Variants in CACNB4 observed in about 807,000 individuals in gnomAD.
CACNB4 encodes voltage-dependent L-type calcium channel subunit beta-4.
Under a neutral mutation model 71.2 loss-of-function variants are expected in CACNB4, and 32 were observed. The ratio of observed to expected loss-of-function variants is 0.45; its 90% confidence interval spans 0.34 to 0.60. The LOEUF (loss-of-function observed/expected upper bound fraction) is 0.60, where lower values mean the gene tolerates loss of function less well. Ranked by LOEUF, CACNB4 falls within the 20% of genes least tolerant of loss-of-function variation. The probability of loss-of-function intolerance (pLI) is 0.01; values close to 1 mark genes in which losing one functional copy is unlikely to be tolerated. For synonymous variants in CACNB4, 231 were observed against 236.9 expected, an observed-to-expected ratio of 0.97 and a Z score of 0.23; for missense variants, 464 against 647.9, an observed-to-expected ratio of 0.72 and a Z score of 3.08.
At chr2:152,037,107 A>AT (rs1684637018) in intron 2 of CACNB4, among the ~76,000 whole-genome samples, 1 of 152,202 alleles carries the variant, frequency 6.6e-6, no homozygotes, top group Admixed American at 6.5e-5. Context: ...TTGCGGGGGC[A>AT]TAGGTTCCCA....
intron 2 of CACNB4, among the ~76,000 whole-genome samples, chr2:151,905,762 A>C (rs1314586597): frequency 6.6e-6 from 1 of 152,246 alleles, no homozygotes; most frequent in Non-Finnish European, 1.5e-5. Flanking sequence ...CCAGAAAGGC[A>C]AGGCAAGAAG....
At position 151,849,293 on chromosome 2, in the gene CACNB4, C is replaced by T. The variant is rs139901380; in HGVS notation, c.1116+4155G>A. Among the ~76,000 whole-genome samples the T allele has an allele frequency of 2.4e-3, 372 of 152,254 alleles. 3 individuals carry two copies. Among genetic ancestry groups the T allele is most frequent in the African/African-American group, 8.4e-3 (348 of 41,526 alleles). On this transcript the variant is annotated intron_variant, in intron 12 of 13. Transcript: ENST00000539935. The stretch of plus-strand genomic sequence containing the variant: ...TTTTTTCTTTTAAGAGACAATGTCT[C>T]ACTCTGTCGGGTAGAGTGCAGTGGC...
intron 2 of CACNB4, among the ~76,000 whole-genome samples, chr2:151,987,340 A>G (rs998950453): frequency 5.3e-5 from 8 of 152,050 alleles, no homozygotes; most frequent in Admixed American, 5.2e-4. Flanking sequence ...GCAGCACTAC[A>G]ATCTCTGGGC....
At chr2:151,979,110 G>A (rs16830543) in intron 2 of CACNB4, among the ~76,000 whole-genome samples, 3,688 of 152,074 alleles carry the variant, frequency 0.024, 154 homozygotes, top group African/African-American at 0.083. Context: ...ACAAAACACT[G>A]CCCAGAAGAC....
At chr2:151,990,824 G>A (rs771996031) in intron 2 of CACNB4, among the ~76,000 whole-genome samples, 1 of 152,216 alleles carries the variant, frequency 6.6e-6, no homozygotes, top group Non-Finnish European at 1.5e-5. Flanking sequence ...CCCAAGGAAT[G>A]AGAGAATATT....
chr2:151,861,376 A>G (rs2099841597), intron 9 of CACNB4: 1 of 152,342 alleles, frequency 6.6e-6, no homozygotes, highest in Non-Finnish European at 1.5e-5. Context: ...CTTCATTTAT[A>G]AGAATGTGAA....
At chr2:151,914,218 G>A (rs1431934923) in intron 2 of CACNB4, among the ~76,000 whole-genome samples, 1 of 151,980 alleles carries the variant, frequency 6.6e-6, no homozygotes, top group Non-Finnish European at 1.5e-5. Context: ...TTTCAGTAAG[G>A]TGGTTTTCAA....
At chr2:152,024,825 G>A (rs564077946) in intron 2 of CACNB4, among the ~76,000 whole-genome samples, 3 of 152,346 alleles carry the variant, frequency 2.0e-5, no homozygotes, top group East Asian at 1.9e-4. Flanking sequence ...GGAAGCCAAG[G>A]TGGGCAGATC....
intron 2 of CACNB4, among the ~76,000 whole-genome samples, chr2:152,097,156 G>A (rs764068056): frequency 2.6e-5 from 4 of 152,080 alleles, no homozygotes; most frequent in African/African-American, 4.8e-5. Context: ...CAAAATTTCC[G>A]CTTCTGCAGA....
intron 2 of CACNB4, chr2:151,883,908 C>T (rs1415588965): frequency 2.0e-5 from 4 of 199,844 alleles, no homozygotes; most frequent in Non-Finnish European, 4.1e-5. Context: ...TGTCCTGCAG[C>T]AGCCCAGACG....
chr2:151,938,731 C>T (rs955262088), intron 2 of CACNB4, among the ~76,000 whole-genome samples: 4 of 152,198 alleles, frequency 2.6e-5, no homozygotes, highest in Non-Finnish European at 5.9e-5. Context: ...ACCCTCCTAC[C>T]CCCAATACAC....
At chr2:151,955,005 C>T (rs1203270574) in intron 2 of CACNB4, among the ~76,000 whole-genome samples, 3 of 152,016 alleles carry the variant, frequency 2.0e-5, no homozygotes, top group Non-Finnish European at 4.4e-5. Flanking sequence ...AGGCACCCGC[C>T]ACGATGCCCA....
intron 2 of CACNB4, among the ~76,000 whole-genome samples, chr2:151,901,050 G>C (rs2099853297): frequency 1.5e-5 from 2 of 136,270 alleles, no homozygotes; most frequent in Admixed American, 1.6e-4. Flanking sequence ...CTGAAATGCA[G>C]TGGTGCAATC....
intron 11 of CACNB4, 46 bp from the exon 12 acceptor site, chr2:151,853,589 A>G (rs752381028): frequency 3.7e-6 from 4 of 1,073,090 alleles, no homozygotes; most frequent in Non-Finnish European, 4.1e-6. Context: ...ATGAGTTGAA[A>G]GAAAATCAAA....
intron 2 of CACNB4, among the ~76,000 whole-genome samples, chr2:151,897,760 C>G (rs73967713): frequency 0.018 from 2,680 of 152,256 alleles, 77 homozygotes; most frequent in African/African-American, 0.062. Flanking sequence ...AAGCACAATA[C>G]TTATTCTTTC....
intron 2 of CACNB4, among the ~76,000 whole-genome samples, chr2:152,041,391 A>G (rs923898938): frequency 7.9e-5 from 12 of 152,232 alleles, no homozygotes; most frequent in Non-Finnish European, 1.2e-4. Context: ...GGAAGAAGGT[A>G]AAGGGCAATC....
At chr2:152,044,163 T>C (rs760308452) in intron 2 of CACNB4, among the ~76,000 whole-genome samples, 10 of 152,214 alleles carry the variant, frequency 6.6e-5, no homozygotes, top group Non-Finnish European at 1.3e-4. Context: ...ATGGAGAATA[T>C]CTAAGATTAC....
At chr2:151,996,659 T>A (rs1184911156) in intron 2 of CACNB4, among the ~76,000 whole-genome samples, 1 of 152,132 alleles carries the variant, frequency 6.6e-6, no homozygotes, top group Admixed American at 6.6e-5. Flanking sequence ...GTCCCAAGGT[T>A]TTTACCTTTC....
intron 2 of CACNB4, among the ~76,000 whole-genome samples, chr2:151,898,351 G>T (rs1053297683): frequency 6.6e-6 from 1 of 152,162 alleles, no homozygotes; most frequent in African/African-American, 2.4e-5. Flanking sequence ...GACGGCCAGG[G>T]CTAGGGACGG....
Sources: allele counts gnomAD v4.1 joint callset (sites outside exome capture counted in the v4.1 genomes callset), GRCh38; gene constraint gnomAD v4.1.1; transcripts MANE v1.5; gene names NCBI Gene and HGNC (gene_info 2026-07-23, HGNC 2026-07-21).